NEK7: variants seen among roughly 807,000 people sequenced by gnomAD.
NEK7 encodes NIMA related kinase 7.
In NEK7, 18 loss-of-function variants were observed where a neutral mutation model predicts 44.6. The ratio of observed to expected loss-of-function variants is 0.40; its 90% CI spans 0.28 to 0.60. NEK7 has a LOEUF of 0.60. Ranked by LOEUF, NEK7 falls within the 20% of genes least tolerant of loss-of-function variation. The pLI, the probability that NEK7 is intolerant of heterozygous loss-of-function variation, is 0.38. For synonymous variants in NEK7, 130 were observed against 121.1 expected (o/e 1.07, Z -0.48); for missense variants, 256 against 366.5 (o/e 0.70, Z 2.46).
intron 1 of NEK7, among the ~76,000 whole-genome samples, chr1:198,179,105 T>C (rs971133016): frequency 1.3e-5 from 2 of 152,006 alleles, no homozygotes; most frequent in African/African-American, 4.8e-5. Context: ...TCCTTATTTC[T>C]TCTCAACTGC....
chr1:198,193,641 A>G (rs1336254320), intron 1 of NEK7, among the ~76,000 whole-genome samples: 2 of 152,248 alleles, frequency 1.3e-5, no homozygotes, highest in Non-Finnish European at 1.5e-5. Context: ...CCTGGGATGC[A>G]AGATTGGTTC....
chr1:198,183,176 G>GA (rs1218955597), intron 1 of NEK7, among the ~76,000 whole-genome samples: 2 of 152,114 alleles, frequency 1.3e-5, no homozygotes, highest in Non-Finnish European at 2.9e-5. Flanking sequence ...CTCCCATCTG[G>GA]AAAACCCGTC....
At chr1:198,176,715 T>C (rs1664613228) in intron 1 of NEK7, among the ~76,000 whole-genome samples, 1 of 152,048 alleles carries the variant, frequency 6.6e-6, no homozygotes, top group Non-Finnish European at 1.5e-5. Context: ...TGATGATGTT[T>C]GTGAGGCAGA....
intron 9 of NEK7, among the ~76,000 whole-genome samples, chr1:198,299,078 A>C (rs973426553): frequency 1.3e-5 from 2 of 152,260 alleles, no homozygotes; most frequent in Admixed American, 6.5e-5. Context: ...TTTCGAAAAG[A>C]GCTGTAAAGC....
intron 2 of NEK7, among the ~76,000 whole-genome samples, chr1:198,238,171 C>A (rs1380503344): frequency 1.3e-5 from 2 of 152,148 alleles, no homozygotes; most frequent in Admixed American, 6.6e-5. Context: ...TCCCCACCTC[C>A]TTGCTTCAGT....
At chr1:198,180,284 C>T (rs1050597333) in intron 1 of NEK7, among the ~76,000 whole-genome samples, 6 of 151,110 alleles carry the variant, frequency 4.0e-5, no homozygotes, top group African/African-American at 1.2e-4. Context: ...TAATCAATAA[C>T]GAAGTATCAT....
chr1:198,239,167 G>A (rs1052829842), intron 2 of NEK7, among the ~76,000 whole-genome samples: 2 of 152,142 alleles, frequency 1.3e-5, no homozygotes, highest in Non-Finnish European at 2.9e-5. Flanking sequence ...ATTGCAGCAA[G>A]AGTTGTCTTT....
chr1:198,258,957 T>C (rs1453946330), intron 3 of NEK7, among the ~76,000 whole-genome samples: 1 of 152,202 alleles, frequency 6.6e-6, no homozygotes, highest in Non-Finnish European at 1.5e-5. Context: ...TATTCATTAT[T>C]ATTTATTTTT....
intron 8 of NEK7, 112 bp from the exon 9 acceptor site, chr1:198,297,015 A>G (rs2103014354): frequency 3.1e-6 from 2 of 640,744 alleles, no homozygotes; most frequent in East Asian, 2.9e-5. Flanking sequence ...ATGCCCAGGT[A>G]TCTCTATTTA....
At chr1:198,196,345 G>A (rs1443982432) in intron 1 of NEK7, among the ~76,000 whole-genome samples, 2 of 152,174 alleles carry the variant, frequency 1.3e-5, no homozygotes, top group Non-Finnish European at 2.9e-5. Context: ...TTTGGAATAA[G>A]CACTTATTTG....
chr1:198,283,650 T>C (rs1429476281), intron 7 of NEK7, among the ~76,000 whole-genome samples: 1 of 152,160 alleles, frequency 6.6e-6, no homozygotes, highest in Non-Finnish European at 1.5e-5. Flanking sequence ...TTATTATTTG[T>C]CAATCTTATA....
intron 2 of NEK7, among the ~76,000 whole-genome samples, chr1:198,251,026 A>G (rs1652937622): frequency 6.6e-6 from 1 of 151,906 alleles, no homozygotes; most frequent in Admixed American, 6.6e-5. Flanking sequence ...TTTGTCATAG[A>G]TAGCTCTTAT....
chr1:198,319,679 A>G lies in NEK7; in HGVS notation c.*157A>G. The G allele has an allele frequency of 1.3e-6, 1 of 752,406 alleles. No homozygotes were observed. Among genetic ancestry groups the G allele is most frequent in the Non-Finnish European group, 1.9e-6 (1 of 532,656 alleles). 46.6% of individuals were successfully genotyped at this position (752,406 alleles called of 1,614,324 possible). ...ATATAAGCTTCATTTTGTACCAGTCACCTAAATCACCTCCTTGCAACCCCC... is the reference window on the plus strand; with the variant it reads ...ATATAAGCTTCATTTTGTACCAGTCGCCTAAATCACCTCCTTGCAACCCCC... On this transcript the variant is annotated 3_prime_UTR_variant, in exon 10 of 10. Coordinates refer to ENST00000367385, the MANE Select transcript of NEK7 (RefSeq NM_133494.3).
chr1:198,160,299 TTTTG>T (rs950686649), intron 1 of NEK7, among the ~76,000 whole-genome samples: 11 of 151,256 alleles, frequency 7.3e-5, no homozygotes, highest in African/African-American at 2.7e-4. Context: ...TTCTTTCAGG[TTTTG>T]TTTCCCTTGA....
intron 3 of NEK7, chr1:198,256,387 G>T: frequency 6.2e-7 from 1 of 1,611,736 alleles, no homozygotes; most frequent in Non-Finnish European, 8.5e-7. Context: ...GTTACTTCTT[G>T]GAAATCATAA....
At chr1:198,231,907 T>A (rs1002581584) in intron 1 of NEK7, among the ~76,000 whole-genome samples, 2 of 152,114 alleles carry the variant, frequency 1.3e-5, no homozygotes, top group African/African-American at 4.8e-5. Flanking sequence ...CACGTGGTGT[T>A]GAGTAGAATC....
intron 1 of NEK7, among the ~76,000 whole-genome samples, chr1:198,182,874 A>G (rs541689467): frequency 6.6e-6 from 1 of 152,184 alleles, no homozygotes; most frequent in African/African-American, 2.4e-5. Context: ...CCCGATTGAT[A>G]GTAGTCATTA....
chr1:198,278,312 G>A (rs1261708765), intron 6 of NEK7, among the ~76,000 whole-genome samples: 2 of 151,352 alleles, frequency 1.3e-5, no homozygotes, highest in African/African-American at 4.9e-5. Flanking sequence ...GTAAAGATAA[G>A]ACAGCAATCA....
intron 1 of NEK7, among the ~76,000 whole-genome samples, chr1:198,205,819 G>GCC (rs1217668517): frequency 5.3e-5 from 8 of 152,014 alleles, no homozygotes; most frequent in African/African-American, 1.9e-4. Context: ...TAAAAAGGCA[G>GCC]CTTACTGTAG....
Sources: gnomAD v4.1 joint callset for allele counts (sites outside exome capture counted in the v4.1 genomes callset) on GRCh38, gnomAD v4.1.1 for gene constraint, MANE v1.5 for transcripts, NCBI Gene and HGNC (gene_info 2026-07-23, HGNC 2026-07-21) for gene names.